The following PRKCZ variants were observed in gnomAD, a reference collection of about 807,000 sequenced individuals.
PRKCZ encodes the protein protein kinase C zeta type.
In PRKCZ, 33 loss-of-function variants were observed where a neutral mutation model predicts 79.5. The ratio of observed to expected loss-of-function variants is 0.41; its 90% confidence interval spans 0.31 to 0.55. The LOEUF (loss-of-function observed/expected upper bound fraction) is 0.55. Among genes scored for constraint, PRKCZ ranks in the 20% least tolerant of loss-of-function variants. PRKCZ has a pLI of 0.19. For missense variants in PRKCZ, 578 were observed against 813.5 expected (o/e 0.71, Z 3.52); for synonymous variants, 342 against 320.9 (o/e 1.07, Z -0.70).
Position 2,175,306 on chromosome 1 carries a change from G to T in PRKCZ, c.1568G>T (p.Trp523Leu). Residue 523 changes from tryptophan to leucine, a missense_variant, in exon 16 of 18, where the codon TGG (tryptophan) becomes TTG (leucine). Coordinates refer to ENST00000378567, the MANE Select transcript of PRKCZ (RefSeq NM_002744.6). ...KSHAFFRSIDWDLLEKKQALP... is the reference protein window; with the variant it reads ...KSHAFFRSIDLDLLEKKQALP... ...CACGCGTTCTTCCGCAGCATAGACT[G>T]GGACTTGGTAAAGCATCACAAAGCC... 2 of 1,612,844 alleles carry T rather than the reference G, an allele frequency of 1.2e-6. No homozygotes were observed. Among genetic ancestry groups the T allele is most frequent in the Middle Eastern group, 3.3e-4 (2 of 6,062 alleles).
chr1:2,055,093 C>T (rs1660037326), intron 1 of PRKCZ, among the ~76,000 whole-genome samples: 2 of 152,066 alleles, frequency 1.3e-5, no homozygotes, highest in African/African-American at 4.8e-5. Flanking sequence ...CAGGCGCCCG[C>T]CACCGCGCCT....
rs546863109 is a variant in PRKCZ at position 2,073,952 on chromosome 1, G to A, written c.334+14361G>A. ...CCGGTGAGTCGGGGGCATCTCCCCC[G>A]TGGATTTTCCGCGCCCCCGGGGCCG... On this transcript the variant is annotated intron_variant, in intron 4 of 17. Transcript: ENST00000378567. The A allele has an allele frequency of 4.8e-5, 66 of 1,367,860 alleles. 1 individual carries two copies. In the East Asian group the frequency reaches 5.2e-4, roughly 11 times the overall value. The allele number at this position is 1,367,860 out of a possible 1,614,324, so 84.7% of individuals were successfully genotyped here.
At position 2,144,428 on chromosome 1, in the gene PRKCZ, C is replaced by G. The variant is rs1019919346; in HGVS notation, c.552+87C>G. The G allele has an allele frequency of 7.3e-6, 11 of 1,510,926 alleles. No individual in the cohort carries two copies. The Admixed American group carries it at 2.3e-4, about 32-fold the overall frequency. The allele number at this position is 1,510,926 out of a possible 1,614,324, so 93.6% of individuals were successfully genotyped here. On this transcript the variant is annotated intron_variant, in intron 6 of 17. Coordinates refer to ENST00000378567, the MANE Select transcript of PRKCZ (RefSeq NM_002744.6). ...CCATTGTCCAAGCAGACCTTGGTGA[C>G]CCTGGGTTCTTCAAGAGGGGCCGTG...
rs559234666 is a variant in PRKCZ at position 2,094,025 on chromosome 1, G to A, written c.334+34434G>A. On this transcript the variant is annotated intron_variant, in intron 4 of 17. Coordinates refer to ENST00000378567, the MANE Select transcript of PRKCZ (RefSeq NM_002744.6). This position sits in a 1 kb window ranked among gnomAD's most constrained non-coding sequence, Gnocchi z 7.3. Reference sequence around the variant, plus strand: ...CACGTGTGTCTGCTCCCTGCGGCACGTCCACAGCACCTGCCAGCCCACTTT... The same window carrying A: ...CACGTGTGTCTGCTCCCTGCGGCACATCCACAGCACCTGCCAGCCCACTTT... 3.3e-5 allele frequency among the ~76,000 whole-genome samples: 5 copies of A among 152,280 alleles called. No homozygotes were observed. In the East Asian group the frequency reaches 7.7e-4, roughly 23 times the overall value.
At chr1:2,184,109 C>T (rs1405409987) in intron 16 of PRKCZ, 1 of 153,764 alleles carries the variant, frequency 6.5e-6, no homozygotes, top group East Asian at 1.9e-4. Flanking sequence ...ACCTGAGATT[C>T]TGAAGTCGAT....
rs1672017884 is a variant in PRKCZ at position 2,121,662 on chromosome 1, AGGGT to A, written c.335-13599_335-13596del. On this transcript the variant is annotated intron_variant, in intron 4 of 17. Transcript: ENST00000378567. ...GGTAGTTAGGGTCACGGTGGTGGTT[AGGGT>A]CGTGGTGGTGGTTAGGGTCACGGTG... 1.5e-5 allele frequency among the ~76,000 whole-genome samples: 2 copies of A among 136,114 alleles called. 1 individual carries two copies. The highest frequency in any genetic ancestry group is 5.6e-5 in the African/African-American group (2 of 35,956). The allele number at this position is 136,114 out of a possible 152,430, so 89.3% of individuals were successfully genotyped here. A position where few individuals can be genotyped will look rare whatever the true frequency, so the allele number is the denominator to read the frequency against.
At chr1:2,063,812 T>C (rs1660899976) in intron 4 of PRKCZ, among the ~76,000 whole-genome samples, 1 of 151,944 alleles carries the variant, frequency 6.6e-6, no homozygotes, top group African/African-American at 2.4e-5. Flanking sequence ...ATAAGTGATG[T>C]TGAGCATTTT....
chr1:2,164,643 GCA>G (rs1395453419), intron 10 of PRKCZ, among the ~76,000 whole-genome samples: 1 of 152,190 alleles, frequency 6.6e-6, no homozygotes, highest in Admixed American at 6.5e-5. Flanking sequence ...AGCGTTCCCT[GCA>G]CACTCTGGCG....
chr1:2,063,891 G>T (rs1192626232), intron 4 of PRKCZ, among the ~76,000 whole-genome samples: 1 of 148,124 alleles, frequency 6.8e-6, no homozygotes, highest in African/African-American at 2.5e-5. Context: ...TGTTGCCCAG[G>T]TTGGAGTGCA....
At chr1:2,089,658 C>T (rs1017410482) in intron 4 of PRKCZ, among the ~76,000 whole-genome samples, 1 of 152,164 alleles carries the variant, frequency 6.6e-6, no homozygotes, top group African/African-American at 2.4e-5. Flanking sequence ...CTCTCAAAGG[C>T]CTCCTGACAC....
intron 4 of PRKCZ, among the ~76,000 whole-genome samples, chr1:2,085,258 G>T (rs557751702): frequency 6.6e-6 from 1 of 152,222 alleles, no homozygotes; most frequent in South Asian, 2.1e-4. Context: ...TGTACCATCC[G>T]CCCTACCTGG....
intron 16 of PRKCZ, among the ~76,000 whole-genome samples, chr1:2,175,609 G>A (rs1483877345): frequency 6.6e-6 from 1 of 150,546 alleles, no homozygotes; most frequent in East Asian, 2.0e-4. Context: ...ACAGAGCCGG[G>A]GCTGTGTGGG....
intron 10 of PRKCZ, among the ~76,000 whole-genome samples, chr1:2,166,044 G>A (rs1683260322): frequency 6.6e-6 from 1 of 152,196 alleles, no homozygotes; most frequent in African/African-American, 2.4e-5. Context: ...CGTCTCGCCT[G>A]GTTCCTGAGA....
intron 9 of PRKCZ, among the ~76,000 whole-genome samples, chr1:2,153,655 A>G (rs1680349396): frequency 6.6e-6 from 1 of 152,232 alleles, no homozygotes; most frequent in South Asian, 2.1e-4. Context: ...GGAGGATTCC[A>G]GCCCCCTTTG....
intron 4 of PRKCZ, among the ~76,000 whole-genome samples, chr1:2,062,563 T>G (rs1484477911): frequency 2.0e-5 from 3 of 151,530 alleles, no homozygotes; most frequent in Non-Finnish European, 4.4e-5. Flanking sequence ...CAATCTTGGC[T>G]TACTACTACT....
intron 4 of PRKCZ, among the ~76,000 whole-genome samples, chr1:2,124,872 C>A (rs1195010693): frequency 6.6e-6 from 1 of 152,124 alleles, no homozygotes; most frequent in Non-Finnish European, 1.5e-5. Flanking sequence ...GCCTCCAACG[C>A]GGTTTTTACT....
At chr1:2,051,697 G>T (rs1409865055) in intron 1 of PRKCZ, among the ~76,000 whole-genome samples, 1 of 152,134 alleles carries the variant, frequency 6.6e-6, no homozygotes, top group Non-Finnish European at 1.5e-5. Context: ...CAACTTCCCC[G>T]GGCCACGTCC....
chr1:2,072,553 GC>G (rs34106910), intron 4 of PRKCZ, among the ~76,000 whole-genome samples: 75,513 of 152,088 alleles, frequency 0.5, 23,284 homozygotes, highest in East Asian at 0.95. Flanking sequence ...AGTAACTTCA[GC>G]CAGGCTCTGG....
At chr1:2,135,639 C>T (rs1042119776) in intron 5 of PRKCZ, among the ~76,000 whole-genome samples, 15 of 152,306 alleles carry the variant, frequency 9.8e-5, no homozygotes, top group Admixed American at 9.8e-4. Context: ...GGCCTGAGGC[C>T]CCAGCCTGCC....
Sources: gnomAD v4.1 joint callset for allele counts (sites outside exome capture counted in the v4.1 genomes callset) on GRCh38, gnomAD v4.1.1 for gene constraint, Gnocchi (gnomAD v3.1) non-coding constraint, MANE v1.5 for transcripts, NCBI Gene and HGNC (gene_info 2026-07-23, HGNC 2026-07-21) for gene names.